The following ANKRD45 variants were observed in gnomAD, a reference collection of about 807,000 sequenced individuals.
ANKRD45 encodes ankyrin repeat domain 45.
In ANKRD45, 21 loss-of-function variants were observed where a neutral mutation model predicts 28.1. The ratio of observed to expected loss-of-function variants is 0.75; its 90% CI spans 0.53 to 1.08. ANKRD45 has a LOEUF of 1.08. Ranked by LOEUF, ANKRD45 falls within the 50% of genes least tolerant of loss-of-function variation. The pLI, the probability that ANKRD45 is intolerant of heterozygous loss-of-function variation, is 0.00. For missense variants in ANKRD45, 261 were observed against 308.7 expected (o/e 0.85, Z 1.16); for synonymous variants, 86 against 103.9 (o/e 0.83, Z 1.05).
chr1:173,641,201 CTGAAAT>C (rs779092531), intron 3 of ANKRD45, among the ~76,000 whole-genome samples: 42 of 152,320 alleles, frequency 2.8e-4, no homozygotes, highest in Middle Eastern at 3.4e-3. Flanking sequence ...AAATGCCTGG[CTGAAAT>C]CGATTAAATA....
At chr1:173,674,179 T>G (rs183725756), upstream of ANKRD45, among the ~76,000 whole-genome samples, 5 of 152,062 alleles carry the variant, frequency 3.3e-5, no homozygotes, top group African/African-American at 9.6e-5. Context: ...CCAGCTAATT[T>G]TTTTTTGTAT....
intron 1 of ANKRD45, among the ~76,000 whole-genome samples, chr1:173,660,381 G>A (rs772921296): frequency 6.6e-6 from 1 of 152,128 alleles, no homozygotes; most frequent in African/African-American, 2.4e-5. Flanking sequence ...GCATAAACTG[G>A]TATATTCACA....
chr1:173,616,978 A>C (rs1667491615), intron 5 of ANKRD45, among the ~76,000 whole-genome samples: 1 of 151,994 alleles, frequency 6.6e-6, no homozygotes, highest in South Asian at 2.1e-4. Flanking sequence ...TTGTGCGACC[A>C]CTCACAATGT....
At chr1:173,640,779 G>A (rs547458596) in intron 3 of ANKRD45, among the ~76,000 whole-genome samples, 1 of 152,174 alleles carries the variant, frequency 6.6e-6, no homozygotes, top group Non-Finnish European at 1.5e-5. Flanking sequence ...GACACCAATT[G>A]TCTGCTCCTA....
chr1:173,613,569 C>T (rs1311218160), intron 5 of ANKRD45, among the ~76,000 whole-genome samples: 4 of 130,640 alleles, frequency 3.1e-5, no homozygotes, highest in Non-Finnish European at 4.5e-5. Context: ...TCAGCCCCCC[C>T]CCCGGCCAGC....
chr1:173,621,515 T>C (rs937811777), intron 5 of ANKRD45, among the ~76,000 whole-genome samples: 7 of 152,290 alleles, frequency 4.6e-5, no homozygotes, highest in Non-Finnish European at 1.0e-4. Context: ...CACAAATCAA[T>C]AAATGTAATT....
chr1:173,659,339 G>T lies in ANKRD45; in HGVS notation c.80C>A (p.Ala27Asp). 2 of 1,612,124 alleles carry T rather than the reference G, an allele frequency of 1.2e-6. No homozygotes were observed. The highest frequency in any genetic ancestry group is 2.2e-5 in the East Asian group (1 of 44,856). The stretch of plus-strand genomic sequence containing the variant: ...AGGGCCTGTTTCCTCTGGTTCTTGG[G>T]CTTCTTCTTCTTCATTTTCCTCTTC... ...QQEEENEEEE[A>D]QEPEETGPKN... Residue 27 changes from alanine (A) to aspartate (D), a missense_variant, in exon 2 of 6, where the codon GCC becomes GAC. Physicochemically the swap from Ala to Asp is moderately radical, Grantham distance 126. Transcript: ENST00000333279.
the ANKRD45 span, among the ~76,000 whole-genome samples, chr1:173,691,263 C>T: frequency 1.3e-5 from 2 of 152,132 alleles, no homozygotes; most frequent in Non-Finnish European, 2.9e-5. Context: ...TTCTGTGTTG[C>T]TGAGAGCTCA....
At chr1:173,675,294 AT>A in the ANKRD45 span, 1 of 303,994 alleles carries the variant, frequency 3.3e-6, no homozygotes. Flanking sequence ...TGAAAACATT[AT>A]TTTGCAGGCA....
the ANKRD45 span, among the ~76,000 whole-genome samples, chr1:173,702,592 A>G: frequency 2.0e-5 from 3 of 152,100 alleles, no homozygotes; most frequent in South Asian, 6.2e-4. Flanking sequence ...AAGCCAAGGA[A>G]GAAGGAGAAG....
At chr1:173,634,180 G>A (rs1668312937) in intron 3 of ANKRD45, among the ~76,000 whole-genome samples, 1 of 151,862 alleles carries the variant, frequency 6.6e-6, no homozygotes, top group South Asian at 2.1e-4. Flanking sequence ...GATGTGAATG[G>A]ACATTTCTCA....
At chr1:173,689,508 T>C in the ANKRD45 span, among the ~76,000 whole-genome samples, 3 of 152,184 alleles carry the variant, frequency 2.0e-5, no homozygotes, top group Admixed American at 6.5e-5. Context: ...CCCAATTGTC[T>C]ATTTTTGTAA....
chr1:173,657,301 C>A (rs1669569902), intron 2 of ANKRD45: 1 of 322,100 alleles, frequency 3.1e-6, no homozygotes, highest in Non-Finnish European at 6.4e-6. Flanking sequence ...ACCCCCTCTC[C>A]ACTAAAAAAT....
the ANKRD45 span, among the ~76,000 whole-genome samples, chr1:173,698,295 T>TG: frequency 1.3e-5 from 2 of 152,192 alleles, no homozygotes; most frequent in Non-Finnish European, 1.5e-5. Flanking sequence ...ATCCAGGACT[T>TG]GAACTCAGCT....
At chr1:173,638,456 G>C (rs916807255) in intron 3 of ANKRD45, among the ~76,000 whole-genome samples, 1 of 152,114 alleles carries the variant, frequency 6.6e-6, no homozygotes, top group Non-Finnish European at 1.5e-5. Context: ...AGGAGAGGTT[G>C]AGCCACCCCC....
chr1:173,668,969 T>A (rs1025744691), intron 1 of ANKRD45, among the ~76,000 whole-genome samples: 1 of 152,238 alleles, frequency 6.6e-6, no homozygotes, highest in Non-Finnish European at 1.5e-5. Flanking sequence ...TCTGCCTTAC[T>A]AAATAAGTGT....
the ANKRD45 span, among the ~76,000 whole-genome samples, chr1:173,694,296 TG>T: frequency 1.3e-5 from 2 of 152,182 alleles, no homozygotes; most frequent in South Asian, 2.1e-4. Flanking sequence ...CCCAAGTAGC[TG>T]GGACTACAGG....
intron 5 of ANKRD45, among the ~76,000 whole-genome samples, chr1:173,621,339 C>T (rs1420915658): frequency 6.6e-6 from 1 of 152,144 alleles, no homozygotes; most frequent in African/African-American, 2.4e-5. Context: ...CCAAACCTGG[C>T]AGAGATACAA....
In ANKRD45 at chr1:173,638,528, T is replaced by TAGAAACCTCCAGCAA. The variant is rs1379454638; in HGVS notation, c.496+8317_496+8318insTTGCTGGAGGTTTCT. 1.7e-3 allele frequency among the ~76,000 whole-genome samples: 263 copies of TAGAAACCTCCAGCAA among 152,176 alleles called. 3 individuals carry two copies. Among genetic ancestry groups the TAGAAACCTCCAGCAA allele is most frequent in the South Asian group, 0.013 (64 of 4,820 alleles). On this transcript the variant is annotated intron_variant, in intron 3 of 5. Transcript: ENST00000333279. ...ACCTCCAGCAAGGAGCAAGGGGGGT[T>TAGAAACCTCCAGCAA]GAAAGCTCCAGGGAAAGGGCCTATC...
Sources: allele counts gnomAD v4.1 joint callset (sites outside exome capture counted in the v4.1 genomes callset), GRCh38; gene constraint gnomAD v4.1.1; transcripts MANE v1.5; gene names NCBI Gene and HGNC (gene_info 2026-07-23, HGNC 2026-07-21).